MYO1H: variants seen among roughly 807,000 people sequenced by gnomAD.
The protein encoded by MYO1H is myosin IH, also known as unconventional myosin-Ih.
In MYO1H, 118 loss-of-function variants were observed where a neutral mutation model predicts 149.3. The observed-to-expected ratio is 0.79, with a 90% CI of 0.68 to 0.92. The LOEUF is 0.92. Ranked by LOEUF, MYO1H falls within the 40% of genes least tolerant of loss-of-function variation. The probability of loss-of-function intolerance (pLI) is 0.00; values close to 1 mark genes in which losing one functional copy is unlikely to be tolerated. For missense variants in MYO1H, 1,212 were observed against 1,280.7 expected, an observed-to-expected ratio of 0.95 and a Z score of 0.82; for synonymous variants, 447 against 465.2, an observed-to-expected ratio of 0.96 and a Z score of 0.50.
At chr12:109,350,784 A>G (rs1868447721) in intron 1 of MYO1H, among the ~76,000 whole-genome samples, 1 of 152,234 alleles carries the variant, frequency 6.6e-6, no homozygotes. Flanking sequence ...AAAGTGATAT[A>G]GGTAATTTAA....
intron 15 of MYO1H, among the ~76,000 whole-genome samples, chr12:109,416,373 T>C (rs1378974763): frequency 7.6e-6 from 1 of 130,966 alleles, no homozygotes; most frequent in East Asian, 2.2e-4. Flanking sequence ...TTGACTGTTG[T>C]TGTTGGTTTT....
At chr12:109,313,607 G>C in the MYO1H span, among the ~76,000 whole-genome samples, 411 of 152,276 alleles carry the variant, frequency 2.7e-3, 1 homozygote, top group African/African-American at 9.3e-3. Context: ...GGAAGGGAAT[G>C]CTCTAATGTC....
At chr12:109,343,709 T>C (rs2048093783), upstream of MYO1H, among the ~76,000 whole-genome samples, 1 of 152,152 alleles carries the variant, frequency 6.6e-6, no homozygotes, top group Non-Finnish European at 1.5e-5. Context: ...TTTTAAGCAA[T>C]ACATGTACTT....
At chr12:109,391,069 T>C (rs1014682856) in intron 2 of MYO1H, among the ~76,000 whole-genome samples, 1 of 152,232 alleles carries the variant, frequency 6.6e-6, no homozygotes, top group Non-Finnish European at 1.5e-5. Context: ...GAGGTATTTC[T>C]CTTTTTTTGT....
chr12:109,443,666 C>G lies in MYO1H; in HGVS notation c.2824+17C>G. The G allele has an allele frequency of 1.2e-6, 2 of 1,613,074 alleles. No individual in the cohort carries two copies. The highest frequency in any genetic ancestry group is 1.1e-5 in the South Asian group (1 of 90,914). ...CTCTCAAAGGTAAGAAGTGGGCAAT[C>G]TTTAAAACAATGCACTGAGTTGACT... On this transcript the variant is annotated intron_variant, in intron 28 of 31. Coordinates refer to ENST00000310903, the Ensembl canonical transcript of MYO1H.
chr12:109,423,580 A>C (rs965684626), intron 16 of MYO1H, among the ~76,000 whole-genome samples: 3 of 152,198 alleles, frequency 2.0e-5, no homozygotes, highest in African/African-American at 7.2e-5. Flanking sequence ...TCCACTAAAC[A>C]ACTGCTCTCC....
intron 1 of MYO1H, among the ~76,000 whole-genome samples, chr12:109,358,849 A>T (rs1219450813): frequency 1.4e-5 from 1 of 72,220 alleles, no homozygotes; most frequent in African/African-American, 4.7e-5. Context: ...GTGGTGTTAA[A>T]AAAAAAAAAA....
intron 16 of MYO1H, among the ~76,000 whole-genome samples, chr12:109,423,482 T>C (rs1871253663): frequency 6.6e-6 from 1 of 152,216 alleles, no homozygotes; most frequent in Non-Finnish European, 1.5e-5. Context: ...CATTTTAAAG[T>C]GTACAGTTCA....
At chr12:109,396,536 T>C (rs1041007870) in exon 4 of MYO1H, 1 of 1,613,760 alleles carries the variant, frequency 6.2e-7, no homozygotes, top group African/African-American at 1.3e-5. Context: ...ACCCAGTCAC[T>C]ACAAATAGCC....
chr12:109,337,116 A>G, the MYO1H span, among the ~76,000 whole-genome samples: 1 of 152,178 alleles, frequency 6.6e-6, no homozygotes, highest in African/African-American at 2.4e-5. Context: ...GATAAATGAC[A>G]ATGACTATGA....
chr12:109,318,967 G>GTTTTTTTT, the MYO1H span, among the ~76,000 whole-genome samples: 497 of 79,566 alleles, frequency 6.2e-3, 31 homozygotes, highest in Middle Eastern at 0.017. Context: ...TGCGTTTTTG[G>GTTTTTTTT]TTTTGTTTTT....
the MYO1H span, among the ~76,000 whole-genome samples, chr12:109,316,622 A>G: frequency 3.3e-5 from 5 of 152,238 alleles, no homozygotes; most frequent in African/African-American, 4.8e-5. Flanking sequence ...GATTAATCCC[A>G]TAGGGATGGG....
At chr12:109,444,506 C>T (rs1442379544) in exon 30 of MYO1H, 2 of 1,613,846 alleles carry the variant, frequency 1.2e-6, no homozygotes, top group African/African-American at 1.3e-5. Flanking sequence ...AGAAGGAGAA[C>T]ATTGTCAATG....
At chr12:109,391,911 T>C (rs1393188247) in intron 2 of MYO1H, among the ~76,000 whole-genome samples, 1 of 152,204 alleles carries the variant, frequency 6.6e-6, no homozygotes, top group Non-Finnish European at 1.5e-5. Flanking sequence ...TTTAATGGGA[T>C]TGTTTTTTCT....
At chr12:109,353,707 A>G (rs1487302754) in intron 1 of MYO1H, among the ~76,000 whole-genome samples, 2 of 152,178 alleles carry the variant, frequency 1.3e-5, no homozygotes, top group Non-Finnish European at 2.9e-5. Flanking sequence ...GCTGGAGTGC[A>G]GTGGCACCAT....
intron 1 of MYO1H, among the ~76,000 whole-genome samples, chr12:109,356,558 G>A (rs1456178461): frequency 6.6e-6 from 1 of 152,104 alleles, no homozygotes; most frequent in African/African-American, 2.4e-5. Context: ...TCAGTAGGAA[G>A]TAGTGCAAGA....
the MYO1H span, among the ~76,000 whole-genome samples, chr12:109,311,498 A>G: frequency 6.6e-6 from 1 of 152,216 alleles, no homozygotes; most frequent in Non-Finnish European, 1.5e-5. Flanking sequence ...TTTCAATTGT[A>G]GTAGGTCACC....
chr12:109,381,366 C>G (rs1003299237), intron 1 of MYO1H, among the ~76,000 whole-genome samples: 1 of 152,076 alleles, frequency 6.6e-6, no homozygotes, highest in African/African-American at 2.4e-5. Flanking sequence ...TGAGCTATGA[C>G]TGCACTACCG....
At chr12:109,370,983 A>G (rs1022461107) in intron 1 of MYO1H, among the ~76,000 whole-genome samples, 3 of 152,226 alleles carry the variant, frequency 2.0e-5, no homozygotes, top group Non-Finnish European at 4.4e-5. Context: ...AAAATGCTAT[A>G]AAGAAATAGG....
Sources: allele counts gnomAD v4.1 joint callset (sites outside exome capture counted in the v4.1 genomes callset), GRCh38; gene constraint gnomAD v4.1.1; transcripts MANE v1.5; gene names NCBI Gene and HGNC (gene_info 2026-07-23, HGNC 2026-07-21).